The following TRPM7 variants were observed in gnomAD, a reference collection of about 807,000 sequenced individuals.
TRPM7 encodes the protein transient receptor potential cation channel subfamily M member 7.
A neutral mutation model predicts 229.7 loss-of-function variants in TRPM7; 134 were observed. The observed-to-expected ratio is 0.58, with a 90% CI of 0.51 to 0.67. The LOEUF is 0.67. Among genes scored for constraint, TRPM7 ranks in the 30% least tolerant of loss-of-function variants. The pLI is 0.00. For synonymous variants in TRPM7, 699 were observed against 715.2 expected, an observed-to-expected ratio of 0.98 and a Z score of 0.36; for missense variants, 1,901 against 2,210.0, an observed-to-expected ratio of 0.86 and a Z score of 2.80.
chr15:50,589,552 A>G, intron 27 of TRPM7, 40 bp downstream of exon 27: 1 of 1,350,172 alleles, frequency 7.4e-7, no homozygotes, highest in Middle Eastern at 2.0e-4. Flanking sequence ...AGACAGTAAA[A>G]TAAATAGAAC....
chr15:50,590,680 C>T (rs2059465011), intron 26 of TRPM7, among the ~76,000 whole-genome samples: 1 of 151,860 alleles, frequency 6.6e-6, no homozygotes, highest in South Asian at 2.1e-4. Flanking sequence ...GGAAATTAGC[C>T]AGGTGTGGTG....
intron 1 of TRPM7, among the ~76,000 whole-genome samples, chr15:50,665,490 C>T (rs1461858187): frequency 6.6e-6 from 1 of 151,614 alleles, no homozygotes; most frequent in Non-Finnish European, 1.5e-5. Context: ...TCACTGATCA[C>T]AATGCAATTA....
chr15:50,580,086 T>C (rs1027847378), intron 30 of TRPM7, among the ~76,000 whole-genome samples: 1 of 152,234 alleles, frequency 6.6e-6, no homozygotes, highest in Non-Finnish European at 1.5e-5. Context: ...GATTTATTTC[T>C]GATTCACAGA....
chr15:50,561,612 G>C lies in TRPM7; in HGVS notation c.*66C>G, dbSNP rs1056975909. On this transcript the variant is annotated 3_prime_UTR_variant, in exon 39 of 39. Transcript: ENST00000646667. ...ATATTACCAAACAATTTCCTCCCGA[G>C]GGAAAAGTGACACAGTAACATTTCT... 1.3e-5 allele frequency: 21 copies of C among 1,579,554 alleles called. No individual in the cohort carries two copies. The highest frequency in any genetic ancestry group is 1.8e-5 in the Non-Finnish European group (21 of 1,163,028).
At chr15:50,595,860 A>G (rs1447696666) in intron 23 of TRPM7, among the ~76,000 whole-genome samples, 2 of 152,190 alleles carry the variant, frequency 1.3e-5, no homozygotes, top group Non-Finnish European at 2.9e-5. Flanking sequence ...CTGTGTCTCA[A>G]AAATAAATAA....
At chr15:50,671,974 ATGAC>A (rs147078706) in intron 1 of TRPM7, among the ~76,000 whole-genome samples, 20,939 of 152,122 alleles carry the variant, frequency 0.14, 1,458 homozygotes, top group Middle Eastern at 0.2. Flanking sequence ...GTAATAATAA[ATGAC>A]TATGTTACTG....
intron 1 of TRPM7, among the ~76,000 whole-genome samples, chr15:50,672,898 CAAA>C (rs35153596): frequency 8.8e-4 from 23 of 26,210 alleles, no homozygotes; most frequent in African/African-American, 1.3e-3. Context: ...GACTCTGTCT[CAAA>C]AAAAAAAAAA....
intron 1 of TRPM7, among the ~76,000 whole-genome samples, chr15:50,684,720 T>C (rs2062320580): frequency 6.6e-6 from 1 of 151,970 alleles, no homozygotes; most frequent in Middle Eastern, 3.2e-3. Context: ...TTCAACAAAA[T>C]CCAAACTGAT....
At chr15:50,678,636 A>G (rs2062158800) in intron 1 of TRPM7, among the ~76,000 whole-genome samples, 1 of 151,818 alleles carries the variant, frequency 6.6e-6, no homozygotes, top group Non-Finnish European at 1.5e-5. Context: ...TAATAATTAG[A>G]TATTACTGAC....
chr15:50,619,226 T>TC (rs1234731038), intron 13 of TRPM7, among the ~76,000 whole-genome samples: 1 of 145,844 alleles, frequency 6.9e-6, no homozygotes, highest in Non-Finnish European at 1.5e-5. Context: ...TTTTTTTCTT[T>TC]TTTTTTTTTT....
intron 1 of TRPM7, among the ~76,000 whole-genome samples, chr15:50,682,829 T>A (rs549071578): frequency 1.3e-5 from 2 of 152,078 alleles, no homozygotes; most frequent in Non-Finnish European, 2.9e-5. Context: ...TCAGTTAAAA[T>A]CCCCATAGTC....
intron 13 of TRPM7, among the ~76,000 whole-genome samples, chr15:50,617,533 C>T (rs1466410373): frequency 3.3e-5 from 5 of 152,004 alleles, no homozygotes; most frequent in Non-Finnish European, 5.9e-5. Flanking sequence ...TATAAAATGT[C>T]TCGGTTCTTC....
At chr15:50,655,207 G>A (rs768113314) in intron 3 of TRPM7, among the ~76,000 whole-genome samples, 2 of 151,004 alleles carry the variant, frequency 1.3e-5, no homozygotes, top group African/African-American at 2.4e-5. Context: ...TGGCCAAGGC[G>A]GGCGAATCAC....
chr15:50,629,730 G>A (rs1243219343), intron 10 of TRPM7, among the ~76,000 whole-genome samples: 1 of 151,692 alleles, frequency 6.6e-6, no homozygotes, highest in African/African-American at 2.4e-5. Context: ...TATAAAATGA[G>A]TAAAGCCATA....
At chr15:50,562,150 C>T (rs2053346716) in intron 38 of TRPM7, among the ~76,000 whole-genome samples, 1 of 152,120 alleles carries the variant, frequency 6.6e-6, no homozygotes, top group African/African-American at 2.4e-5. Flanking sequence ...CCTGCCTCGG[C>T]CTCCCAAAGT....
intron 15 of TRPM7, among the ~76,000 whole-genome samples, 172 bp from the exon 16 acceptor site, chr15:50,613,001 T>G (rs1430641549): frequency 6.6e-6 from 1 of 152,194 alleles, no homozygotes; most frequent in Non-Finnish European, 1.5e-5. Context: ...TTTATGAAAA[T>G]GCTGTTTCAA....
chr15:50,680,617 C>T (rs1432229779), intron 1 of TRPM7, among the ~76,000 whole-genome samples: 1 of 151,132 alleles, frequency 6.6e-6, no homozygotes, highest in Non-Finnish European at 1.5e-5. Flanking sequence ...AATTATCTGT[C>T]CTAAGGTTAA....
chr15:50,661,537 A>G (rs944417821), intron 2 of TRPM7, among the ~76,000 whole-genome samples: 1 of 152,164 alleles, frequency 6.6e-6, no homozygotes, highest in Non-Finnish European at 1.5e-5. Flanking sequence ...AGATCCGTTC[A>G]AAGTTAAGAA....
rs748476355 is a variant in TRPM7, at chr15:50,578,630, C to G, written c.4618+9G>C. ...TTTTTTTCACGTTCAATCTACCACACAGACTCACCATTTAATGTTCCTTCT... is the reference window on the plus strand; with the variant it reads ...TTTTTTTCACGTTCAATCTACCACAGAGACTCACCATTTAATGTTCCTTCT... On this transcript the variant is annotated intron_variant, in intron 31 of 38. Transcript: ENST00000646667. 8.1e-6 allele frequency: 13 copies of G among 1,609,952 alleles called. No homozygotes were observed.
Sources: gnomAD v4.1 joint callset for allele counts (sites outside exome capture counted in the v4.1 genomes callset) on GRCh38, gnomAD v4.1.1 for gene constraint, MANE v1.5 for transcripts, NCBI Gene and HGNC (gene_info 2026-07-23, HGNC 2026-07-21) for gene names.